FRMD3: variants seen among roughly 807,000 people sequenced by gnomAD.
The protein encoded by FRMD3 is FERM domain-containing protein 3.
Under a neutral mutation model 70.2 loss-of-function variants are expected in FRMD3, and 33 were observed. The observed-to-expected ratio is 0.47, with a 90% CI of 0.36 to 0.63. FRMD3 has a LOEUF of 0.63. Among genes scored for constraint, FRMD3 ranks in the 20% least tolerant of loss-of-function variants. The pLI is 0.00. For missense variants in FRMD3, 632 were observed against 711.4 expected (o/e 0.89, Z 1.27); for synonymous variants, 279 against 255.9 (o/e 1.09, Z -0.86).
chr9:83,267,185 G>A (rs1833307172), intron 13 of FRMD3: 1 of 1,550,388 alleles, frequency 6.4e-7, no homozygotes, highest in Non-Finnish European at 8.7e-7. Context: ...CATGGCCCAG[G>A]GCAGCCTTTC....
At chr9:83,328,700 G>C (rs1452110457) in intron 6 of FRMD3, among the ~76,000 whole-genome samples, 1 of 152,154 alleles carries the variant, frequency 6.6e-6, no homozygotes, top group African/African-American at 2.4e-5. Context: ...GGATGAAATG[G>C]CCGAAAATCT....
rs760410644 is a variant in FRMD3 at position 83,310,511 on chromosome 9, A to G, written c.811T>C (p.Phe271Leu). 1 of 1,605,892 alleles carries G rather than the reference A, an allele frequency of 6.2e-7. No homozygotes were observed. The highest frequency in any genetic ancestry group is 1.3e-5 in the African/African-American group (1 of 74,478). ...TCCTTCTGGGTGCCAATCACATAAA[A>G]TGTCTTCCCTTCAAACTTCAATTTG... ...VCKLKFEGKT[F>L]YVIGTQKEKK... Residue 271 changes from phenylalanine (F) to leucine (L), a missense_variant, in exon 9 of 14, where the codon TTT becomes CTT. Physicochemically the swap from Phe to Leu is conservative, Grantham distance 22. Coordinates refer to ENST00000304195, the MANE Select transcript of FRMD3 (RefSeq NM_174938.6).
chr9:83,427,395 C>A (rs1275605860), intron 1 of FRMD3, among the ~76,000 whole-genome samples: 2 of 152,232 alleles, frequency 1.3e-5, no homozygotes, highest in Non-Finnish European at 2.9e-5. Flanking sequence ...GTTCAGGTCA[C>A]ACATCCCTTA....
At chr9:83,327,331 A>G (rs769957762) in intron 6 of FRMD3, among the ~76,000 whole-genome samples, 14 of 152,160 alleles carry the variant, frequency 9.2e-5, no homozygotes, top group Non-Finnish European at 1.8e-4. Flanking sequence ...ACTGGCTTCA[A>G]ATGTTTGGGA....
At chr9:83,252,033 C>T (rs559885841) in intron 13 of FRMD3, among the ~76,000 whole-genome samples, 2 of 152,190 alleles carry the variant, frequency 1.3e-5, no homozygotes, top group South Asian at 2.1e-4. Context: ...AACCCCAGTA[C>T]ATTACTCCAC....
chr9:83,317,313 T>G (rs562631724), intron 6 of FRMD3, among the ~76,000 whole-genome samples: 1 of 152,126 alleles, frequency 6.6e-6, no homozygotes, highest in Admixed American at 6.5e-5. Context: ...CCCACTCTTC[T>G]GGCCCTCAAT....
the FRMD3 span, among the ~76,000 whole-genome samples, chr9:83,569,219 A>T: frequency 6.6e-6 from 1 of 152,236 alleles, no homozygotes; most frequent in Non-Finnish European, 1.5e-5. Flanking sequence ...GTGCTCAGGT[A>T]CGATACTCTG....
chr9:83,335,649 G>A lies in FRMD3; in HGVS notation c.473-10C>T. 1.2e-6 allele frequency: 2 copies of A among 1,606,222 alleles called. No individual in the cohort carries two copies. The highest frequency in any genetic ancestry group is 2.2e-5 in the East Asian group (1 of 44,754). ...TAATCACCAAGCTCAGCTGTAATGA[G>A]TGAAAAAATAAAGAGACAGAGAAAG... On this transcript the variant is annotated splice_polypyrimidine_tract_variant and intron_variant, in intron 5 of 13. Transcript: ENST00000304195.
chr9:83,378,517 AC>A (rs1825228534), intron 2 of FRMD3, among the ~76,000 whole-genome samples: 1 of 81,746 alleles, frequency 1.2e-5, no homozygotes, highest in African/African-American at 4.4e-5. Flanking sequence ...TATATAATAT[AC>A]ATATAAAATT....
chr9:83,389,560 G>T (rs749429976), intron 2 of FRMD3, 44 bp downstream of exon 2: 1 of 1,294,608 alleles, frequency 7.7e-7, no homozygotes, highest in African/African-American at 1.5e-5. Flanking sequence ...ACCACAGTCT[G>T]GGTCACTCCC....
intron 6 of FRMD3, among the ~76,000 whole-genome samples, chr9:83,324,958 C>T (rs761551065): frequency 5.3e-5 from 8 of 152,232 alleles, no homozygotes; most frequent in South Asian, 2.1e-4. Flanking sequence ...TGCCTGCTCT[C>T]CTGCGTGCCA....
At chr9:83,256,282 AT>A (rs139033027) in intron 13 of FRMD3, among the ~76,000 whole-genome samples, 67,574 of 151,992 alleles carry the variant, frequency 0.44, 15,963 homozygotes, top group African/African-American at 0.6. Flanking sequence ...AGGACTCCCT[AT>A]TTGATAAATG....
At chr9:83,415,621 T>TC (rs1554701849) in intron 1 of FRMD3, among the ~76,000 whole-genome samples, 1 of 140,052 alleles carries the variant, frequency 7.1e-6, no homozygotes, top group African/African-American at 2.5e-5. Flanking sequence ...TTTCTTTTTT[T>TC]TTTTTTTTTT....
At chr9:83,472,945 C>A (rs1828305224) in intron 1 of FRMD3, among the ~76,000 whole-genome samples, 1 of 152,076 alleles carries the variant, frequency 6.6e-6, no homozygotes, top group Non-Finnish European at 1.5e-5. Flanking sequence ...TCTAATCTGC[C>A]TCTTCATTTC....
Position 83,248,352 on chromosome 9 carries a change from G to A in FRMD3, c.1360C>T (p.Leu454Phe). 1 of 1,614,184 alleles carries A rather than the reference G, an allele frequency of 6.2e-7. No homozygotes were observed. The change falls in exon 14 of 14, where the codon CTC (leucine) becomes TTC (phenylalanine). Residue 454 changes from leucine (L) to phenylalanine (F), a missense_variant. Physicochemically the swap from Leu to Phe is conservative, Grantham distance 22. This residue lies in a region of FRMD3 where 418 missense variants were observed against 442.1 expected (regional missense o/e 0.95). Transcript: ENST00000304195. ...TCATCGTCATCCACAGGGGTGGGGA[G>A]CAGGCTGGCACTTGGGTTGTACACT... is the stretch of plus-strand genomic sequence containing the variant. ...ELVYNPSASL[L>F]PTPVDDDEID...
rs141413765 is a variant in FRMD3 at position 83,286,475 on chromosome 9, G to A, written c.1195+4128C>T. Reference sequence around the variant, plus strand: ...GCCTCCCAAGTAGCTGAGATTACAGGCATATGCCACCACACCCAGCTAATT... The same window carrying A: ...GCCTCCCAAGTAGCTGAGATTACAGACATATGCCACCACACCCAGCTAATT... On this transcript the variant is annotated intron_variant, in intron 13 of 13. Coordinates refer to ENST00000304195, the MANE Select transcript of FRMD3 (RefSeq NM_174938.6). Among the ~76,000 whole-genome samples the A allele has an allele frequency of 6.9e-3, 1,051 of 152,232 alleles. 10 individuals are homozygous for A. Among genetic ancestry groups the A allele is most frequent in the East Asian group, 0.033 (171 of 5,168 alleles).
chr9:83,558,730 C>T, the FRMD3 span, among the ~76,000 whole-genome samples: 170 of 152,198 alleles, frequency 1.1e-3, no homozygotes, highest in African/African-American at 3.5e-3. Flanking sequence ...TTCTAGATGC[C>T]ATTAAGAATA....
At chr9:83,437,101 G>A (rs1827158053) in intron 1 of FRMD3, among the ~76,000 whole-genome samples, 1 of 152,228 alleles carries the variant, frequency 6.6e-6, no homozygotes, top group Non-Finnish European at 1.5e-5. Context: ...GTGACACGGA[G>A]TCTTGTCTAT....
chr9:83,440,414 T>C (rs116349533), intron 1 of FRMD3, among the ~76,000 whole-genome samples: 1,934 of 152,252 alleles, frequency 0.013, 50 homozygotes, highest in African/African-American at 0.043. Context: ...GATCCCTAAT[T>C]CTTCTTCTGT....
Sources: allele counts gnomAD v4.1 joint callset (sites outside exome capture counted in the v4.1 genomes callset), GRCh38; gene constraint gnomAD v4.1.1; regional missense constraint gnomAD v4.1.1; transcripts MANE v1.5; gene names NCBI Gene and HGNC (gene_info 2026-07-23, HGNC 2026-07-21).